The following ZNF804B variants were observed in gnomAD, a reference collection of about 807,000 sequenced individuals.
The protein encoded by ZNF804B is zinc finger 804B.
A neutral mutation model predicts 101.4 loss-of-function variants in ZNF804B; 80 were observed. The ratio of observed to expected loss-of-function variants is 0.79; its 90% CI spans 0.66 to 0.95. The LOEUF (loss-of-function observed/expected upper bound fraction) is 0.95. Among genes scored for constraint, ZNF804B ranks in the 40% least tolerant of loss-of-function variants. The pLI is 0.00. For missense variants in ZNF804B, 1,673 were observed against 1,561.9 expected, an observed-to-expected ratio of 1.07 and a Z score of -1.20; for synonymous variants, 622 against 558.8, an observed-to-expected ratio of 1.11 and a Z score of -1.59.
chr7:89,120,271 G>A (rs926066796), intron 1 of ZNF804B, among the ~76,000 whole-genome samples: 1 of 151,890 alleles, frequency 6.6e-6, no homozygotes, highest in Admixed American at 6.6e-5. Context: ...CTGGGCAACC[G>A]AGCAAGAACT....
chr7:89,130,656 G>A (rs1790534009), intron 1 of ZNF804B, among the ~76,000 whole-genome samples: 1 of 151,976 alleles, frequency 6.6e-6, no homozygotes, highest in South Asian at 2.1e-4. Flanking sequence ...GACTGGGACT[G>A]GCCCATGCTG....
intron 1 of ZNF804B, among the ~76,000 whole-genome samples, chr7:88,976,546 C>G (rs1482858585): frequency 6.6e-6 from 1 of 151,450 alleles, no homozygotes; most frequent in Non-Finnish European, 1.5e-5. Context: ...CTGTTCGTCG[C>G]TGGCATATGG....
At chr7:88,972,363 A>G (rs918414373) in intron 1 of ZNF804B, among the ~76,000 whole-genome samples, 1 of 151,458 alleles carries the variant, frequency 6.6e-6, no homozygotes, top group African/African-American at 2.4e-5. Context: ...AGTAATACCC[A>G]ATTTATTTTA....
intron 1 of ZNF804B, among the ~76,000 whole-genome samples, chr7:89,071,044 C>T (rs1167988677): frequency 4.6e-5 from 7 of 152,200 alleles, no homozygotes; most frequent in East Asian, 1.9e-4. Flanking sequence ...TGCACATCCT[C>T]TTGTATAATT....
chr7:88,802,426 T>A (rs1790606216), intron 1 of ZNF804B, among the ~76,000 whole-genome samples: 1 of 152,014 alleles, frequency 6.6e-6, no homozygotes, highest in Non-Finnish European at 1.5e-5. Flanking sequence ...ATTGTCACAC[T>A]GCTGGCACAC....
At chr7:88,916,349 A>C (rs930185180) in intron 1 of ZNF804B, among the ~76,000 whole-genome samples, 2 of 152,108 alleles carry the variant, frequency 1.3e-5, no homozygotes, top group Non-Finnish European at 2.9e-5. Context: ...TTTTTAAATA[A>C]AATTATGATT....
chr7:89,282,165 C>T (rs1177834408), intron 2 of ZNF804B, among the ~76,000 whole-genome samples: 2 of 147,086 alleles, frequency 1.4e-5, no homozygotes, highest in African/African-American at 5.1e-5. Context: ...CCCGCCACTG[C>T]ACTCCAGCCT....
intron 1 of ZNF804B, among the ~76,000 whole-genome samples, chr7:89,086,057 T>C (rs1789796162): frequency 1.3e-5 from 2 of 152,096 alleles, no homozygotes; most frequent in South Asian, 2.1e-4. Context: ...ACTTAATCTA[T>C]TGACTAAATA....
At chr7:89,266,940 A>G (rs547331111) in intron 2 of ZNF804B, among the ~76,000 whole-genome samples, 2 of 151,804 alleles carry the variant, frequency 1.3e-5, no homozygotes, top group Non-Finnish European at 2.9e-5. Flanking sequence ...AATTGCATAC[A>G]CTAAGTTGTA....
intron 1 of ZNF804B, among the ~76,000 whole-genome samples, chr7:88,806,390 C>T (rs575145443): frequency 4.6e-5 from 7 of 152,108 alleles, no homozygotes; most frequent in African/African-American, 1.7e-4. Context: ...TTAAGAGAGG[C>T]CACACTTTTT....
chr7:89,128,354 A>G (rs1196864213), intron 1 of ZNF804B, among the ~76,000 whole-genome samples: 6 of 151,986 alleles, frequency 3.9e-5, no homozygotes, highest in Non-Finnish European at 7.4e-5. Context: ...CCATTTCACA[A>G]TGTATATATA....
At chr7:89,106,867 C>T (rs1790144482) in intron 1 of ZNF804B, among the ~76,000 whole-genome samples, 1 of 152,068 alleles carries the variant, frequency 6.6e-6, no homozygotes, top group Admixed American at 6.6e-5. Context: ...TACATTATAT[C>T]TTTGAATAAA....
intron 1 of ZNF804B, among the ~76,000 whole-genome samples, chr7:88,877,292 A>C (rs1194839246): frequency 6.6e-6 from 1 of 151,296 alleles, no homozygotes; most frequent in Non-Finnish European, 1.5e-5. Flanking sequence ...AAAGTAGAAC[A>C]TTTCTCACTC....
chr7:89,274,163 C>CT (rs374562732), intron 2 of ZNF804B, among the ~76,000 whole-genome samples: 34,094 of 140,352 alleles, frequency 0.24, 4,299 homozygotes, highest in Non-Finnish European at 0.27. Flanking sequence ...TTTTCTTTTT[C>CT]TTTTTTTTTA....
At chr7:89,171,249 T>C (rs1416363512) in intron 1 of ZNF804B, among the ~76,000 whole-genome samples, 1 of 152,016 alleles carries the variant, frequency 6.6e-6, no homozygotes, top group Non-Finnish European at 1.5e-5. Context: ...TTGTTCCTTG[T>C]AGTAACTCAA....
At chr7:89,218,782 A>C (rs1457379167) in intron 2 of ZNF804B, among the ~76,000 whole-genome samples, 1 of 152,178 alleles carries the variant, frequency 6.6e-6, no homozygotes, top group African/African-American at 2.4e-5. Flanking sequence ...CAGAGAAAAG[A>C]AAATGTTATT....
chr7:88,981,407 C>T (rs1470025029), intron 1 of ZNF804B, among the ~76,000 whole-genome samples: 2 of 152,078 alleles, frequency 1.3e-5, no homozygotes, highest in African/African-American at 2.4e-5. Context: ...CCCCTCTCCT[C>T]TCCTCAGGTG....
chr7:89,299,036 T>G (rs1438227652), intron 2 of ZNF804B, among the ~76,000 whole-genome samples: 1 of 152,070 alleles, frequency 6.6e-6, no homozygotes, highest in Non-Finnish European at 1.5e-5. Context: ...CTACTTCTTA[T>G]TAAGAATTCC....
chr7:89,316,754 A>G (rs533008823), intron 2 of ZNF804B, among the ~76,000 whole-genome samples: 21 of 152,280 alleles, frequency 1.4e-4, no homozygotes, highest in Middle Eastern at 3.4e-3. Flanking sequence ...GCAAGTCTGC[A>G]CTCATCCACA....
Sources: gnomAD v4.1 joint callset for allele counts (sites outside exome capture counted in the v4.1 genomes callset) on GRCh38, gnomAD v4.1.1 for gene constraint, MANE v1.5 for transcripts, NCBI Gene and HGNC (gene_info 2026-07-23, HGNC 2026-07-21) for gene names.